TAFA2: variants seen among roughly 807,000 people sequenced by gnomAD.
The protein encoded by TAFA2 is TAFA chemokine like family member 2, also known as chemokine-like protein TAFA-2.
A neutral mutation model predicts 18.8 loss-of-function variants in TAFA2; 7 were observed. The observed-to-expected ratio is 0.37, with a 90% confidence interval of 0.21 to 0.70. The LOEUF is 0.70. Ranked by LOEUF, TAFA2 falls within the 30% of genes least tolerant of loss-of-function variation. The pLI, the probability that TAFA2 is intolerant of heterozygous loss-of-function variation, is 0.53. For missense variants in TAFA2, 122 were observed against 158.1 expected, an observed-to-expected ratio of 0.77 and a Z score of 1.23; for synonymous variants, 60 against 54.2, an observed-to-expected ratio of 1.11 and a Z score of -0.47.
At chr12:62,170,447 G>T (rs1412294003) in intron 1 of TAFA2, among the ~76,000 whole-genome samples, 1 of 152,120 alleles carries the variant, frequency 6.6e-6, no homozygotes, top group East Asian at 1.9e-4. Flanking sequence ...TGTCCAACTT[G>T]TACATCAAGT....
chr12:62,121,951 T>C (rs1870216041), intron 1 of TAFA2, among the ~76,000 whole-genome samples: 1 of 152,280 alleles, frequency 6.6e-6, no homozygotes, highest in Middle Eastern at 3.4e-3. Context: ...GAGATGGAGC[T>C]TAGCAAATTA....
intron 2 of TAFA2, among the ~76,000 whole-genome samples, chr12:61,844,173 A>G (rs948869865): frequency 6.6e-6 from 1 of 152,144 alleles, no homozygotes; most frequent in African/African-American, 2.4e-5. Flanking sequence ...AGAATCCCAC[A>G]TTAAACTATT....
At chr12:62,226,418 C>T (rs1004849151) in intron 1 of TAFA2, among the ~76,000 whole-genome samples, 1 of 152,074 alleles carries the variant, frequency 6.6e-6, no homozygotes, top group Admixed American at 6.5e-5. Flanking sequence ...AAGATGGTCT[C>T]GATCTCCTGA....
intron 1 of TAFA2, among the ~76,000 whole-genome samples, chr12:62,071,016 G>A (rs1882616614): frequency 6.6e-6 from 1 of 152,126 alleles, no homozygotes; most frequent in Non-Finnish European, 1.5e-5. Context: ...TGCAAATAAT[G>A]CTACTTAAGT....
upstream of TAFA2, among the ~76,000 whole-genome samples, chr12:62,196,428 T>A (rs1213786012): frequency 1.3e-5 from 2 of 152,196 alleles, no homozygotes; most frequent in Non-Finnish European, 2.9e-5. Context: ...CATGCCTTCC[T>A]CCCTATTAAG....
chr12:62,147,928 G>A (rs1179312045), intron 1 of TAFA2, among the ~76,000 whole-genome samples: 1 of 151,872 alleles, frequency 6.6e-6, no homozygotes, highest in East Asian at 1.9e-4. Flanking sequence ...CTCAAAAGAA[G>A]GCATACAAGT....
intron 1 of TAFA2, among the ~76,000 whole-genome samples, chr12:62,210,049 A>C (rs2062707281): frequency 6.6e-6 from 1 of 152,012 alleles, no homozygotes; most frequent in South Asian, 2.1e-4. Context: ...AAATACAAAA[A>C]ATTAGCCGGG....
At chr12:61,802,501 G>C (rs1032772438) in intron 2 of TAFA2, among the ~76,000 whole-genome samples, 1 of 152,036 alleles carries the variant, frequency 6.6e-6, no homozygotes, top group African/African-American at 2.4e-5. Context: ...AATAAGTCAG[G>C]CACAGAAGGA....
At chr12:61,900,331 T>C (rs984329738) in intron 1 of TAFA2, among the ~76,000 whole-genome samples, 1 of 152,232 alleles carries the variant, frequency 6.6e-6, no homozygotes, top group Non-Finnish European at 1.5e-5. Context: ...AGCAACAATG[T>C]GTAAGTTTCC....
chr12:61,943,253 TGA>T (rs1466849139), intron 1 of TAFA2, among the ~76,000 whole-genome samples: 35 of 143,118 alleles, frequency 2.4e-4, no homozygotes, highest in African/African-American at 8.5e-4. Flanking sequence ...AAGCAAATGC[TGA>T]GAGATTTTGT....
chr12:61,786,450 G>C (rs545519916), intron 2 of TAFA2, among the ~76,000 whole-genome samples: 9 of 151,440 alleles, frequency 5.9e-5, no homozygotes, highest in African/African-American at 2.2e-4. Flanking sequence ...GACCAGCCAC[G>C]CACAGAGGTA....
chr12:61,776,403 T>C (rs1870264201), intron 2 of TAFA2: 1 of 150,670 alleles, frequency 6.6e-6, no homozygotes, highest in Admixed American at 6.8e-5. Flanking sequence ...AATTCATGCA[T>C]AATAGATGTT....
chr12:62,049,440 C>T (rs923673964), intron 1 of TAFA2, among the ~76,000 whole-genome samples: 1 of 152,112 alleles, frequency 6.6e-6, no homozygotes, highest in African/African-American at 2.4e-5. Context: ...CTGCACCCAA[C>T]CAGTGTTATT....
intron 1 of TAFA2, among the ~76,000 whole-genome samples, chr12:62,013,289 C>T (rs1440895663): frequency 6.6e-6 from 1 of 152,106 alleles, no homozygotes; most frequent in African/African-American, 2.4e-5. Flanking sequence ...GAAATCAATG[C>T]CTGCCAGTAC....
At chr12:61,843,141 T>C (rs1873257455) in intron 2 of TAFA2, among the ~76,000 whole-genome samples, 1 of 151,938 alleles carries the variant, frequency 6.6e-6, no homozygotes, top group South Asian at 2.1e-4. Context: ...TTAAAACAAA[T>C]TTACCTCCCT....
intron 2 of TAFA2, among the ~76,000 whole-genome samples, chr12:61,757,614 A>G (rs1869336187): frequency 6.6e-6 from 1 of 152,064 alleles, no homozygotes; most frequent in Non-Finnish European, 1.5e-5. Context: ...AGGTTTCACC[A>G]ATAGAAAAAG....
intron 1 of TAFA2, among the ~76,000 whole-genome samples, chr12:62,147,194 T>G (rs1340022312): frequency 6.7e-6 from 1 of 149,856 alleles, no homozygotes; most frequent in African/African-American, 2.5e-5. Context: ...TAAAGGTAAG[T>G]CCTCAAACTA....
intron 1 of TAFA2, among the ~76,000 whole-genome samples, chr12:62,068,217 G>A (rs1882541810): frequency 6.6e-6 from 1 of 152,026 alleles, no homozygotes; most frequent in African/African-American, 2.4e-5. Context: ...ATGTTGTGAT[G>A]AATGTTCTTA....
chr12:62,061,785 C>A (rs1436199343), intron 1 of TAFA2, among the ~76,000 whole-genome samples: 1 of 152,120 alleles, frequency 6.6e-6, no homozygotes, highest in Non-Finnish European at 1.5e-5. Context: ...ATTTATTGAA[C>A]ATCTACAATG....
Sources: allele counts gnomAD v4.1 joint callset (sites outside exome capture counted in the v4.1 genomes callset), GRCh38; gene constraint gnomAD v4.1.1; transcripts MANE v1.5; gene names NCBI Gene and HGNC (gene_info 2026-07-23, HGNC 2026-07-21).